NIBAN2: variants seen among roughly 807,000 people sequenced by gnomAD.
The protein encoded by NIBAN2 is protein Niban 2.
A neutral mutation model predicts 81.8 loss-of-function variants in NIBAN2; 36 were observed. That is an observed-to-expected ratio of 0.44 (90% confidence interval 0.34 to 0.58). The LOEUF (loss-of-function observed/expected upper bound fraction) is 0.58. Among genes scored for constraint, NIBAN2 ranks in the 20% least tolerant of loss-of-function variants. NIBAN2 has a pLI of 0.02. For synonymous variants in NIBAN2, 445 were observed against 441.6 expected (o/e 1.01, Z -0.10); for missense variants, 897 against 1,014.1 (o/e 0.88, Z 1.57).
chr9:127,512,196 C>T (rs1191667483), intron 8 of NIBAN2, among the ~76,000 whole-genome samples: 3 of 152,186 alleles, frequency 2.0e-5, no homozygotes, highest in East Asian at 3.8e-4. Context: ...TCTTTTCTTC[C>T]TATGACCTGG....
intron 1 of NIBAN2, among the ~76,000 whole-genome samples, chr9:127,578,741 T>C (rs2132251668): frequency 6.6e-6 from 1 of 151,796 alleles, no homozygotes; most frequent in Non-Finnish European, 1.5e-5. Flanking sequence ...CTTAAGCCTA[T>C]GACGCTTTGG....
intron 1 of NIBAN2, among the ~76,000 whole-genome samples, chr9:127,566,513 C>T (rs1837861931): frequency 6.6e-6 from 1 of 152,176 alleles, no homozygotes; most frequent in Non-Finnish European, 1.5e-5. Flanking sequence ...CAAAACAGCA[C>T]CGTGGCCGGG....
At chr9:127,572,400 G>A (rs760146468), upstream of NIBAN2, among the ~76,000 whole-genome samples, 3 of 152,072 alleles carry the variant, frequency 2.0e-5, no homozygotes, top group Non-Finnish European at 2.9e-5. Flanking sequence ...AGAAAGTCAC[G>A]GTCCTCGTCT....
intron 4 of NIBAN2, 94 bp downstream of exon 4, chr9:127,524,963 TG>T: frequency 1.1e-6 from 1 of 903,254 alleles, no homozygotes; most frequent in Non-Finnish European, 1.8e-6. Context: ...TCCGCAAACA[TG>T]GGGCTGAAAG....
At position 127,508,013 on chromosome 9, in the gene NIBAN2, G is replaced by A. The variant is rs987789609; in HGVS notation, c.1543-35C>T. The A allele has an allele frequency of 6.2e-7, 1 of 1,612,840 alleles. No homozygotes were observed. The stretch of plus-strand genomic sequence containing the variant: ...TGGGGCGGCAGAGATGAGAGGTCAG[G>A]GCCAAGGGTAGAGGGAGGCCTGTGG... On this transcript the variant is annotated intron_variant, in intron 12 of 13. Transcript: ENST00000373312. This position sits in a 1 kb window ranked among gnomAD's most constrained non-coding sequence, Gnocchi z 6.4.
rs985342811 is a variant in NIBAN2, at chr9:127,525,260, G to A, written c.316-97C>T. On this transcript the variant is annotated intron_variant, in intron 3 of 13. Transcript: ENST00000373312. ...GCCCTACTCAGTGTGGCCCAAAGTGGGGAGGAGAAGGGAAAGGAAGAAGAG... is the reference window on the plus strand; with the variant it reads ...GCCCTACTCAGTGTGGCCCAAAGTGAGGAGGAGAAGGGAAAGGAAGAAGAG... 1.3e-5 allele frequency: 10 copies of A among 770,026 alleles called. No homozygotes were observed. The African/African-American group carries it at 2.0e-4, about 15-fold the overall frequency. 47.7% of individuals were successfully genotyped at this position (770,026 alleles called of 1,614,324 possible). A position where few individuals can be genotyped will look rare whatever the true frequency, so the allele number is the denominator to read the frequency against.
chr9:127,535,865 C>T (rs1165488245), intron 1 of NIBAN2, among the ~76,000 whole-genome samples: 1 of 151,876 alleles, frequency 6.6e-6, no homozygotes, highest in Non-Finnish European at 1.5e-5. Context: ...TTTGGTCCAG[C>T]AGCCAAATAG....
intron 1 of NIBAN2, among the ~76,000 whole-genome samples, chr9:127,566,569 C>T (rs745748339): frequency 3.3e-5 from 5 of 152,184 alleles, no homozygotes; most frequent in Non-Finnish European, 5.9e-5. Context: ...CTGGCATTCA[C>T]CTGCTCACCT....
At chr9:127,562,718 A>G (rs530602409) in intron 1 of NIBAN2, among the ~76,000 whole-genome samples, 10 of 152,318 alleles carry the variant, frequency 6.6e-5, no homozygotes, top group African/African-American at 2.4e-4. Flanking sequence ...TCGACAGGGA[A>G]GTTGACTGGA....
chr9:127,572,544 G>A (rs1416855826), upstream of NIBAN2, among the ~76,000 whole-genome samples: 4 of 152,184 alleles, frequency 2.6e-5, no homozygotes, highest in African/African-American at 7.2e-5. Context: ...GGTCTAGGAA[G>A]GAGGAGGAGA....
chr9:127,565,641 A>G (rs1837844704), intron 1 of NIBAN2, among the ~76,000 whole-genome samples: 1 of 151,828 alleles, frequency 6.6e-6, no homozygotes, highest in Non-Finnish European at 1.5e-5. Flanking sequence ...TAGAAATACC[A>G]AAATCAGCCA....
chr9:127,527,147 T>G, intron 3 of NIBAN2, 47 bp downstream of exon 3: 1 of 1,602,242 alleles, frequency 6.2e-7, no homozygotes, highest in Non-Finnish European at 8.5e-7. Context: ...GGGGCACACA[T>G]GGAGAAAGCG....
At chr9:127,514,439 C>T (rs945525188) in intron 8 of NIBAN2, among the ~76,000 whole-genome samples, 1 of 151,976 alleles carries the variant, frequency 6.6e-6, no homozygotes, top group Non-Finnish European at 1.5e-5. Context: ...TATGTACCCA[C>T]AAAAATTAAA....
intron 1 of NIBAN2, among the ~76,000 whole-genome samples, chr9:127,544,244 C>G (rs1191261724): frequency 6.6e-6 from 1 of 152,150 alleles, no homozygotes; most frequent in African/African-American, 2.4e-5. Context: ...GGGTGGGTTT[C>G]TCACAGAGAC....
At chr9:127,576,853 C>A (rs893520574) in intron 1 of NIBAN2, among the ~76,000 whole-genome samples, 1 of 151,546 alleles carries the variant, frequency 6.6e-6, no homozygotes, top group Non-Finnish European at 1.5e-5. Flanking sequence ...CCACAACGTC[C>A]GGCTAATTTT....
chr9:127,575,010 C>T (rs1335479410), intron 1 of NIBAN2, among the ~76,000 whole-genome samples: 1 of 152,232 alleles, frequency 6.6e-6, no homozygotes, highest in African/African-American at 2.4e-5. Context: ...CACTGGGAGC[C>T]AGAGGAATTG....
chr9:127,560,031 G>A (rs891537561), intron 1 of NIBAN2, among the ~76,000 whole-genome samples: 2 of 152,198 alleles, frequency 1.3e-5, no homozygotes, highest in African/African-American at 2.4e-5. Context: ...CCAAATGACA[G>A]GGCAGTCCTG....
rs559608068 is a variant in NIBAN2 at position 127,518,926 on chromosome 9, T to G, written c.590-985A>C. On this transcript the variant is annotated intron_variant, in intron 5 of 13. Coordinates refer to ENST00000373312, the MANE Select transcript of NIBAN2 (RefSeq NM_022833.4). ...TGGTGGCTCATGCCTGCAATCCCAG[T>G]ACTTTGGGAGGCTGAGGTGGGGGAA... Among the ~76,000 whole-genome samples the G allele has an allele frequency of 7.9e-5, 12 of 152,162 alleles. No individual in the cohort carries two copies. In the East Asian group the frequency reaches 2.1e-3, roughly 27 times the overall value.
At chr9:127,528,618 T>A (rs908514586) in intron 2 of NIBAN2, among the ~76,000 whole-genome samples, 6 of 152,148 alleles carry the variant, frequency 3.9e-5, no homozygotes, top group Admixed American at 3.9e-4. Context: ...GAGCCCATTG[T>A]GCTCACACAA....
Sources: allele counts gnomAD v4.1 joint callset (sites outside exome capture counted in the v4.1 genomes callset), GRCh38; gene constraint gnomAD v4.1.1; non-coding constraint Gnocchi (gnomAD v3.1); transcripts MANE v1.5; gene names NCBI Gene and HGNC (gene_info 2026-07-23, HGNC 2026-07-21).